Variants in DDRGK1 observed in about 807,000 individuals in gnomAD.
DDRGK1 encodes the protein DDRGK domain containing 1.
In DDRGK1, 38 loss-of-function variants were observed where a neutral mutation model predicts 45.8. The ratio of observed to expected loss-of-function variants is 0.83; its 90% CI spans 0.64 to 1.09. The LOEUF (loss-of-function observed/expected upper bound fraction) is 1.09, where lower values mean the gene tolerates loss of function less well. DDRGK1 is among the 50% of genes least tolerant of loss of function. DDRGK1 has a pLI of 0.00. For synonymous variants in DDRGK1, 171 were observed against 168.7 expected, an observed-to-expected ratio of 1.01 and a Z score of -0.11; for missense variants, 403 against 419.9, an observed-to-expected ratio of 0.96 and a Z score of 0.35.
At chr20:3,192,061 G>A (rs1422368467) in intron 6 of DDRGK1, among the ~76,000 whole-genome samples, 6 of 151,480 alleles carry the variant, frequency 4.0e-5, no homozygotes, top group South Asian at 2.1e-4. Context: ...CCCTTCTTGC[G>A]AGGAAGGAAT....
At chr20:3,196,474 G>A (rs6084296) in intron 4 of DDRGK1, among the ~76,000 whole-genome samples, 14,884 of 150,022 alleles carry the variant, frequency 0.099, 1,010 homozygotes, top group Non-Finnish European at 0.14. Flanking sequence ...TCAGGAGATC[G>A]AGACCATCCT....
chr20:3,191,273 C>A, intron 7 of DDRGK1, 35 bp from the exon 8 acceptor site: 1 of 1,610,332 alleles, frequency 6.2e-7, no homozygotes, highest in Non-Finnish European at 8.5e-7. Context: ...TAGAGATAGG[C>A]ACCAATGTCC....
intron 6 of DDRGK1, among the ~76,000 whole-genome samples, chr20:3,194,597 G>A (rs1224110464): frequency 6.6e-6 from 1 of 152,266 alleles, no homozygotes; most frequent in Non-Finnish European, 1.5e-5. Flanking sequence ...AACTGAGTGT[G>A]AGGAAGTGAT....
chr20:3,195,255 T>A lies in DDRGK1; in HGVS notation c.609A>T (p.Val203=). 1 of 1,614,058 alleles carries A rather than the reference T, an allele frequency of 6.2e-7. No homozygotes were observed. The highest frequency in any genetic ancestry group is 8.5e-7 in the Non-Finnish European group (1 of 1,179,960). The change falls in exon 5 of 9, where the codon GTA becomes GTT. Residue 203 remains valine (V), a synonymous_variant. Coordinates refer to ENST00000354488, the MANE Select transcript of DDRGK1 (RefSeq NM_023935.3). ...KEAFVVEEEG[V]GETMTEEQSQ... ...CCTGTTCCTCAGTCATGGTCTCTCC[T>A]ACGCCTTCCTCCTCCACCACAAAGG...
At chr20:3,195,387 G>A (rs754571999) in intron 4 of DDRGK1, 34 bp from the exon 5 acceptor site, 6 of 1,556,424 alleles carry the variant, frequency 3.9e-6, no homozygotes, top group Non-Finnish European at 5.2e-6. Context: ...CAGGTATCGG[G>A]GGCAGAACAG....
Position 3,200,137 on chromosome 20 carries a change from C to G in DDRGK1, c.409-35G>C, listed in dbSNP as rs372218138. The G allele has an allele frequency of 8.7e-6, 14 of 1,601,910 alleles. No individual in the cohort carries two copies. The African/African-American group carries it at 1.3e-4, about 15-fold the overall frequency. ...GGTCTTCATAGGGGCACATCCCTCA[C>G]CCCCGGCTAGAGTGTGCCCACCGCC... On this transcript the variant is annotated intron_variant, in intron 3 of 8. Transcript: ENST00000354488.
intron 4 of DDRGK1, among the ~76,000 whole-genome samples, chr20:3,198,459 G>A (rs1446372098): frequency 2.0e-5 from 3 of 149,734 alleles, no homozygotes; most frequent in Non-Finnish European, 3.0e-5. Context: ...CCAGCGCTTC[G>A]GGAGGCTGAG....
chr20:3,191,130 C>T, intron 8 of DDRGK1, 60 bp downstream of exon 8: 1 of 1,603,540 alleles, frequency 6.2e-7, no homozygotes. Context: ...ATCCCTGCAG[C>T]CCCTGTGGCT....
At chr20:3,192,867 C>T (rs759119469) in intron 6 of DDRGK1, among the ~76,000 whole-genome samples, 1 of 152,120 alleles carries the variant, frequency 6.6e-6, no homozygotes, top group African/African-American at 2.4e-5. Flanking sequence ...ATGCCAAAGC[C>T]GTATGTACAA....
intron 3 of DDRGK1, 39 bp from the exon 4 acceptor site, chr20:3,200,141 C>T (rs778018579): frequency 2.1e-5 from 33 of 1,598,368 alleles, no homozygotes; most frequent in Admixed American, 1.2e-4. Context: ...CCCTCACCCC[C>T]GGCTAGAGTG....
Position 3,191,755 on chromosome 20 carries a change from C to T in DDRGK1, c.729+10G>A. ...ACACTGCACACAGCAGGCCACGTTCCAGGGCTTACCTGAGTGCGTAGGCCC... is the reference window on the plus strand; with the variant it reads ...ACACTGCACACAGCAGGCCACGTTCTAGGGCTTACCTGAGTGCGTAGGCCC... On this transcript the variant is annotated intron_variant, in intron 7 of 8. Transcript: ENST00000354488. 1 of 1,600,094 alleles carries T rather than the reference C, an allele frequency of 6.2e-7. No individual in the cohort carries two copies. Among genetic ancestry groups the T allele is most frequent in the Non-Finnish European group, 8.5e-7 (1 of 1,172,914 alleles).
At chr20:3,197,486 A>G (rs571130542) in intron 4 of DDRGK1, among the ~76,000 whole-genome samples, 36 of 152,322 alleles carry the variant, frequency 2.4e-4, no homozygotes, top group African/African-American at 7.0e-4. Context: ...AGTGAAGCGG[A>G]TAACTTGCAT....
intron 6 of DDRGK1, 85 bp from the exon 7 acceptor site, chr20:3,191,906 A>T: frequency 7.1e-7 from 1 of 1,401,128 alleles, no homozygotes; most frequent in East Asian, 2.5e-5. Flanking sequence ...TTGCATTCTG[A>T]TCTGATCTGT....
In DDRGK1 at chr20:3,190,564, C is replaced by A. The variant is rs2066984865; in HGVS notation, c.*89G>T. 1.1e-5 allele frequency: 16 copies of A among 1,513,094 alleles called. No homozygotes were observed. Among genetic ancestry groups the A allele is most frequent in the Non-Finnish European group, 1.4e-5 (15 of 1,110,320 alleles). The allele number at this position is 1,513,094 out of a possible 1,614,324, so 93.7% of individuals were successfully genotyped here. Reference sequence around the variant, plus strand: ...TTTAATCTATAACTGCCTGGCCACACCATCACTTCCCCAGGATGGTGGGGA... The same window carrying A: ...TTTAATCTATAACTGCCTGGCCACAACATCACTTCCCCAGGATGGTGGGGA... On this transcript the variant is annotated 3_prime_UTR_variant, in exon 9 of 9. Coordinates refer to ENST00000354488, the MANE Select transcript of DDRGK1 (RefSeq NM_023935.3).
chr20:3,194,504 G>A (rs2067001675), intron 6 of DDRGK1, among the ~76,000 whole-genome samples: 1 of 152,250 alleles, frequency 6.6e-6, no homozygotes, highest in South Asian at 2.1e-4. Flanking sequence ...CAGTGTGACA[G>A]AACTGACAGA....
intron 6 of DDRGK1, among the ~76,000 whole-genome samples, chr20:3,192,663 G>A (rs1246358142): frequency 6.6e-6 from 1 of 152,194 alleles, no homozygotes; most frequent in Non-Finnish European, 1.5e-5. Context: ...AGAAACCTGA[G>A]TTCCCAAGGG....
In DDRGK1 at chr20:3,190,839, G is replaced by A. The variant is rs1357987770; in HGVS notation, c.779-20C>T. ...TCACACCTGTGGGGACATGCAGGTTGTGGGGCTGAGGCCTCCTGGGCGTTC... is the reference window on the plus strand; with the variant it reads ...TCACACCTGTGGGGACATGCAGGTTATGGGGCTGAGGCCTCCTGGGCGTTC... On this transcript the variant is annotated intron_variant, in intron 8 of 8. Transcript: ENST00000354488. The A allele has an allele frequency of 6.2e-7, 1 of 1,601,588 alleles. No homozygotes were observed. Among genetic ancestry groups the A allele is most frequent in the Non-Finnish European group, 8.5e-7 (1 of 1,173,226 alleles).
chr20:3,194,063 C>G (rs2066999837), intron 6 of DDRGK1, among the ~76,000 whole-genome samples: 1 of 152,202 alleles, frequency 6.6e-6, no homozygotes, highest in South Asian at 2.1e-4. Context: ...GAACCCCAGA[C>G]TCAAGGCTGT....
chr20:3,204,445 G>T, intron 1 of DDRGK1, 92 bp downstream of exon 1: 6 of 1,335,500 alleles, frequency 4.5e-6, no homozygotes, highest in Non-Finnish European at 6.1e-6. Flanking sequence ...GCCCAGGTGC[G>T]CACGCGCAGG....
Sources: gnomAD v4.1 joint callset for allele counts (sites outside exome capture counted in the v4.1 genomes callset) on GRCh38, gnomAD v4.1.1 for gene constraint, MANE v1.5 for transcripts, NCBI Gene and HGNC (gene_info 2026-07-23, HGNC 2026-07-21) for gene names.